The following PACSIN2 variants were observed in gnomAD, a reference collection of about 807,000 sequenced individuals.
PACSIN2 encodes the protein protein kinase C and casein kinase substrate in neurons 2.
Under a neutral mutation model 63.8 loss-of-function variants are expected in PACSIN2, and 25 were observed. The observed-to-expected ratio is 0.39, with a 90% CI of 0.29 to 0.55. The LOEUF is 0.55. Ranked by LOEUF, PACSIN2 falls within the 20% of genes least tolerant of loss-of-function variation. The pLI, the probability that PACSIN2 is intolerant of heterozygous loss-of-function variation, is 0.62. For missense variants in PACSIN2, 518 were observed against 646.9 expected (o/e 0.80, Z 2.16); for synonymous variants, 255 against 256.2 (o/e 1.00, Z 0.05).
At chr22:42,986,516 C>T (rs1922621009) in intron 1 of PACSIN2, among the ~76,000 whole-genome samples, 1 of 152,178 alleles carries the variant, frequency 6.6e-6, no homozygotes, top group Admixed American at 6.5e-5. Flanking sequence ...TTCAGGGGCT[C>T]ATTCCTCCAC....
chr22:42,883,389 G>A (rs748137643), intron 6 of PACSIN2, among the ~76,000 whole-genome samples: 27 of 152,174 alleles, frequency 1.8e-4, no homozygotes, highest in Admixed American at 3.3e-4. Flanking sequence ...GGAGACAAAC[G>A]GAATGTGTCT....
intron 10 of PACSIN2, among the ~76,000 whole-genome samples, chr22:42,874,597 G>C (rs112331742): frequency 5.8e-4 from 88 of 152,338 alleles, no homozygotes; most frequent in Admixed American, 1.4e-3. Context: ...TCTGGGCAAA[G>C]CTGTGGCTCT....
At chr22:42,958,388 G>A (rs1415685151) in intron 1 of PACSIN2, among the ~76,000 whole-genome samples, 5 of 152,162 alleles carry the variant, frequency 3.3e-5, no homozygotes, top group African/African-American at 1.2e-4. Flanking sequence ...GGGCAAACGG[G>A]TCTCAAAGGA....
intron 1 of PACSIN2, among the ~76,000 whole-genome samples, chr22:43,001,509 G>A (rs888228675): frequency 6.6e-6 from 1 of 152,262 alleles, no homozygotes; most frequent in African/African-American, 2.4e-5. Flanking sequence ...AGGACTGGGA[G>A]GGGAAGCAGG....
At position 43,001,997 on chromosome 22, in the gene PACSIN2, G is replaced by A. The variant is rs545071051; in HGVS notation, c.-78+13024C>T. ...AGTGAATACCTAAGGGACAGTGGAGGGTAGGAAAGTCAGTCCATGGGGAGG... is the reference window on the plus strand; with the variant it reads ...AGTGAATACCTAAGGGACAGTGGAGAGTAGGAAAGTCAGTCCATGGGGAGG... On this transcript the variant is annotated intron_variant, in intron 1 of 10. Transcript: ENST00000263246. Among the ~76,000 whole-genome samples the A allele has an allele frequency of 2.6e-5, 4 of 152,284 alleles. No individual in the cohort carries two copies. The East Asian group carries it at 7.7e-4, about 29-fold the overall frequency.
At chr22:42,962,775 C>CG (rs1555936911) in intron 1 of PACSIN2, among the ~76,000 whole-genome samples, 694 of 16,358 alleles carry the variant, frequency 0.042, 18 homozygotes, top group Middle Eastern at 0.12. Context: ...AAGGTGTGGG[C>CG]GGGGGGGGGG....
intron 1 of PACSIN2, among the ~76,000 whole-genome samples, chr22:42,983,993 CAG>C (rs1258190539): frequency 3.8e-4 from 41 of 109,002 alleles, no homozygotes; most frequent in African/African-American, 1.4e-3. Flanking sequence ...TTTTTTGAGA[CAG>C]GGTCTGGCTC....
rs1406284018 is a variant in PACSIN2 at position 42,981,852 on chromosome 22, G to A, written c.-78+33169C>T. On this transcript the variant is annotated intron_variant, in intron 1 of 10. Transcript: ENST00000263246. ...GGGTCAGCCCCCCGCCCGGCCAGCC[G>A]CCCCGTCCGGGAGGGAGGTGGGGGG... is the stretch of plus-strand genomic sequence containing the variant. Among the ~76,000 whole-genome samples, 7 of 119,514 alleles carry A rather than the reference G, an allele frequency of 5.9e-5. No homozygotes were observed. In the South Asian group the frequency reaches 1.8e-3, roughly 30 times the overall value. The allele number at this position is 119,514 out of a possible 152,430, so 78.4% of individuals were successfully genotyped here. A position where few individuals can be genotyped will look rare whatever the true frequency, so the allele number is the denominator to read the frequency against.
chr22:42,986,838 T>C (rs1265489708), intron 1 of PACSIN2, among the ~76,000 whole-genome samples: 1 of 152,156 alleles, frequency 6.6e-6, no homozygotes, highest in African/African-American at 2.4e-5. Flanking sequence ...CTACCCATTC[T>C]AAAAAAACCT....
chr22:42,970,097 T>G (rs1000630288), intron 1 of PACSIN2, among the ~76,000 whole-genome samples: 1 of 152,054 alleles, frequency 6.6e-6, no homozygotes, highest in African/African-American at 2.4e-5. Context: ...ACAGCCCAAG[T>G]CCTCACGCTG....
intron 1 of PACSIN2, among the ~76,000 whole-genome samples, chr22:43,011,345 G>C (rs868429794): frequency 6.6e-6 from 1 of 152,254 alleles, no homozygotes; most frequent in Middle Eastern, 3.4e-3. Context: ...TAATCTACAG[G>C]GCGGCCTCCA....
At chr22:42,877,898 C>T (rs772125516) in intron 8 of PACSIN2, among the ~76,000 whole-genome samples, 15 of 152,210 alleles carry the variant, frequency 9.9e-5, no homozygotes, top group Non-Finnish European at 1.8e-4. Flanking sequence ...TCAGCCTGAG[C>T]ACCCACCACC....
intron 1 of PACSIN2, among the ~76,000 whole-genome samples, chr22:42,956,563 C>T (rs964813622): frequency 2.0e-5 from 3 of 152,210 alleles, no homozygotes; most frequent in African/African-American, 7.2e-5. Flanking sequence ...CTGACACACA[C>T]ATACATGCTC....
chr22:42,931,336 C>A (rs1932773591), intron 1 of PACSIN2, among the ~76,000 whole-genome samples: 12 of 152,270 alleles, frequency 7.9e-5, no homozygotes, highest in Admixed American at 7.8e-4. Context: ...CACTGCCTAC[C>A]ACTCCTTGGG....
chr22:42,991,953 G>A (rs1395286157), intron 1 of PACSIN2, among the ~76,000 whole-genome samples: 8 of 152,244 alleles, frequency 5.3e-5, no homozygotes, highest in African/African-American at 1.9e-4. Flanking sequence ...CCTGGGATTA[G>A]GCAAAGATTT....
chr22:43,000,227 G>A (rs1348848947), intron 1 of PACSIN2, among the ~76,000 whole-genome samples: 2 of 152,170 alleles, frequency 1.3e-5, no homozygotes, highest in Admixed American at 6.5e-5. Flanking sequence ...AAAGCAACCC[G>A]GGTTCCAGGT....
At chr22:42,963,519 G>A (rs1920930790) in intron 1 of PACSIN2, among the ~76,000 whole-genome samples, 1 of 152,210 alleles carries the variant, frequency 6.6e-6, no homozygotes, top group Admixed American at 6.5e-5. Context: ...ATCCAGCAAG[G>A]CTGCTGCTTC....
intron 1 of PACSIN2, among the ~76,000 whole-genome samples, chr22:43,003,182 G>A (rs1295880550): frequency 6.6e-6 from 1 of 152,236 alleles, no homozygotes; most frequent in Non-Finnish European, 1.5e-5. Context: ...CACTTTGTGC[G>A]TGGAAGGTAA....
At chr22:42,991,710 A>G (rs1039541751) in intron 1 of PACSIN2, among the ~76,000 whole-genome samples, 1 of 151,986 alleles carries the variant, frequency 6.6e-6, no homozygotes, top group Non-Finnish European at 1.5e-5. Context: ...AGGGCTCAGA[A>G]CCACAATTCC....
Sources: gnomAD v4.1 joint callset for allele counts (sites outside exome capture counted in the v4.1 genomes callset) on GRCh38, gnomAD v4.1.1 for gene constraint, MANE v1.5 for transcripts, NCBI Gene and HGNC (gene_info 2026-07-23, HGNC 2026-07-21) for gene names.